Variants in LRP12 observed in about 807,000 individuals in gnomAD.
The protein encoded by LRP12 is LDL receptor related protein 12.
Under a neutral mutation model 66.0 loss-of-function variants are expected in LRP12, and 14 were observed. The ratio of observed to expected loss-of-function variants is 0.21; its 90% CI spans 0.14 to 0.33. LRP12 has a LOEUF of 0.33. Among genes scored for constraint, LRP12 ranks in the 10% least tolerant of loss-of-function variants. The pLI, the probability that LRP12 is intolerant of heterozygous loss-of-function variation, is 1.00. For missense variants in LRP12, 889 were observed against 1,053.4 expected (o/e 0.84, Z 2.16); for synonymous variants, 357 against 359.1 (o/e 0.99, Z 0.07).
intron 1 of LRP12, among the ~76,000 whole-genome samples, chr8:104,549,918 CCT>C (rs1811701769): frequency 6.6e-6 from 1 of 152,138 alleles, no homozygotes; most frequent in Admixed American, 6.5e-5. Flanking sequence ...TAGTAAATCG[CCT>C]CTCTTTCCAA....
chr8:104,543,444 A>G (rs965233899), intron 1 of LRP12, among the ~76,000 whole-genome samples: 3 of 152,194 alleles, frequency 2.0e-5, no homozygotes, highest in Admixed American at 1.3e-4. Flanking sequence ...AAAAGAGGGT[A>G]AACTTAACTG....
chr8:104,504,034 T>C (rs1810869807), intron 3 of LRP12, among the ~76,000 whole-genome samples: 1 of 152,172 alleles, frequency 6.6e-6, no homozygotes, highest in African/African-American at 2.4e-5. Flanking sequence ...GAGTCTTAAT[T>C]TGAATGCTGA....
intron 1 of LRP12, among the ~76,000 whole-genome samples, chr8:104,567,504 T>C (rs1457640363): frequency 6.6e-6 from 1 of 152,130 alleles, no homozygotes; most frequent in Non-Finnish European, 1.5e-5. Context: ...GGAGATTTGG[T>C]GGGGATGCAG....
intron 1 of LRP12, among the ~76,000 whole-genome samples, chr8:104,544,450 GGAA>G (rs1045403727): frequency 1.5e-4 from 23 of 152,158 alleles, no homozygotes; most frequent in Admixed American, 5.2e-4. Context: ...GCCTTCTATT[GGAA>G]GAAGATGTCA....
chr8:104,517,019 G>T (rs182271406), intron 2 of LRP12, among the ~76,000 whole-genome samples: 1 of 151,756 alleles, frequency 6.6e-6, no homozygotes, highest in African/African-American at 2.4e-5. Flanking sequence ...TCACAAAACT[G>T]AAATGCAAGT....
chr8:104,525,217 A>G (rs1811214792), intron 2 of LRP12, among the ~76,000 whole-genome samples: 1 of 152,150 alleles, frequency 6.6e-6, no homozygotes, highest in Non-Finnish European at 1.5e-5. Context: ...TTATATATGA[A>G]GAGAGATTTA....
Position 104,495,223 on chromosome 8 carries a change from T to G in LRP12, c.1581-14A>C. On this transcript the variant is annotated splice_polypyrimidine_tract_variant and intron_variant, in intron 5 of 6. Coordinates refer to ENST00000276654, the MANE Select transcript of LRP12 (RefSeq NM_013437.5). ...GTTTCAAATGATCTTTGAGAGTAGA[T>G]GGAAAGAAAAATGATTAAAAGGGGG... is the stretch of plus-strand genomic sequence containing the variant. The G allele has an allele frequency of 6.2e-7, 1 of 1,601,492 alleles. No homozygotes were observed. Among genetic ancestry groups the G allele is most frequent in the Non-Finnish European group, 8.5e-7 (1 of 1,175,162 alleles).
chr8:104,496,847 C>G (rs540070293), intron 5 of LRP12, 125 bp downstream of exon 5: 9 of 930,654 alleles, frequency 9.7e-6, no homozygotes, highest in South Asian at 6.8e-5. Context: ...TATACATCAT[C>G]AACAATCTTT....
At chr8:104,529,503 T>C (rs573205967) in intron 2 of LRP12, among the ~76,000 whole-genome samples, 31 of 152,320 alleles carry the variant, frequency 2.0e-4, no homozygotes, top group Non-Finnish European at 3.7e-4. Flanking sequence ...CAGAAATTTA[T>C]TTAAGGGTAT....
At chr8:104,539,134 TTC>T (rs1226340758) in intron 1 of LRP12, among the ~76,000 whole-genome samples, 2 of 152,188 alleles carry the variant, frequency 1.3e-5, no homozygotes, top group Non-Finnish European at 2.9e-5. Flanking sequence ...CTCATTTAGA[TTC>T]TGATTCATAA....
At chr8:104,504,794 G>C (rs1810881631) in intron 3 of LRP12, 1 of 152,158 alleles carries the variant, frequency 6.6e-6, no homozygotes, top group African/African-American at 2.4e-5. Flanking sequence ...CACTGCAACT[G>C]TGGATTGGTC....
At chr8:104,544,123 A>C (rs1811520305) in intron 1 of LRP12, among the ~76,000 whole-genome samples, 1 of 152,218 alleles carries the variant, frequency 6.6e-6, no homozygotes, top group South Asian at 2.1e-4. Context: ...ATAGAGAGAA[A>C]GTTTTGATGG....
rs2140823761 is a variant in LRP12, at chr8:104,490,333, A to C, written c.*340T>G. ...AATAAGGTATTATTTTGTAAAAACA[A>C]ACCATTTAACATAGGATAGATAAAA... On this transcript the variant is annotated 3_prime_UTR_variant, in exon 7 of 7. Coordinates refer to ENST00000276654, the MANE Select transcript of LRP12 (RefSeq NM_013437.5). 5.4e-6 allele frequency: 1 copy of C among 184,192 alleles called. No homozygotes were observed. The highest frequency in any genetic ancestry group is 1.5e-4 in the East Asian group (1 of 6,586). The allele number at this position is 184,192 out of a possible 1,614,324, so 11.4% of individuals were successfully genotyped here.
intron 1 of LRP12, among the ~76,000 whole-genome samples, chr8:104,559,099 A>G (rs1383702221): frequency 3.3e-5 from 5 of 152,226 alleles, no homozygotes; most frequent in Admixed American, 2.6e-4. Flanking sequence ...CAGCAATCCC[A>G]CTACTAGGTA....
intron 1 of LRP12, among the ~76,000 whole-genome samples, chr8:104,576,419 C>G (rs1195907533): frequency 1.3e-5 from 2 of 151,740 alleles, no homozygotes; most frequent in Non-Finnish European, 2.9e-5. Flanking sequence ...CAGCACACCT[C>G]TCAGCAGCAA....
chr8:104,516,579 A>G (rs1298972150), intron 2 of LRP12, among the ~76,000 whole-genome samples: 1 of 152,152 alleles, frequency 6.6e-6, no homozygotes, highest in East Asian at 1.9e-4. Flanking sequence ...AAAACAGGGC[A>G]AAGTTAACTG....
intron 6 of LRP12, 99 bp downstream of exon 6, chr8:104,494,978 C>A: frequency 1.8e-6 from 2 of 1,114,954 alleles, no homozygotes; most frequent in Non-Finnish European, 2.5e-6. Context: ...TCCTTGATTG[C>A]AAAAATTCTG....
rs142795507 is a variant in LRP12 at position 104,497,596 on chromosome 8, T to C, written c.956A>G (p.Asp319Gly). ...CTTGTGTGGATTCTCCTCTAATCCA[T>C]CATATATTTTGACATAATCACCATA... is the stretch of plus-strand genomic sequence containing the variant. ...TGYGDYVKIY[D>G]GLEENPHKLL... The change falls in exon 5 of 7, where the codon GAT becomes GGT. Residue 319 changes from aspartate to glycine, a missense_variant. Around this residue, in one of 3 missense-constraint regions of LRP12, gnomAD observed 800 missense variants for 964.5 expected, o/e 0.83. Transcript: ENST00000276654. The surrounding 1 kb of genome is among the most constrained non-coding windows in gnomAD (Gnocchi z 4.3). 5.0e-6 allele frequency: 8 copies of C among 1,613,742 alleles called. No homozygotes were observed. The highest frequency in any genetic ancestry group is 6.8e-6 in the Non-Finnish European group (8 of 1,179,940).
At chr8:104,531,498 T>A (rs187846441) in intron 2 of LRP12, among the ~76,000 whole-genome samples, 14 of 152,230 alleles carry the variant, frequency 9.2e-5, no homozygotes, top group African/African-American at 2.9e-4. Context: ...AATACAATAG[T>A]TATATGTAGA....
Sources: allele counts gnomAD v4.1 joint callset (sites outside exome capture counted in the v4.1 genomes callset), GRCh38; gene constraint gnomAD v4.1.1; regional missense constraint gnomAD v4.1.1; non-coding constraint Gnocchi (gnomAD v3.1); transcripts MANE v1.5; gene names NCBI Gene and HGNC (gene_info 2026-07-23, HGNC 2026-07-21).